The following ME1 variants were observed in gnomAD, a reference collection of about 807,000 sequenced individuals.
ME1 encodes the protein NADP-dependent malic enzyme.
A neutral mutation model predicts 66.4 loss-of-function variants in ME1; 74 were observed. That is an observed-to-expected ratio of 1.11 (90% CI 0.92 to 1.35). The LOEUF (loss-of-function observed/expected upper bound fraction) is 1.35, where lower values mean the gene tolerates loss of function less well. Among genes scored for constraint, ME1 ranks in the 40% most tolerant of loss-of-function variants. The pLI is 0.00. For missense variants in ME1, 750 were observed against 694.1 expected (o/e 1.08, Z -0.90); for synonymous variants, 251 against 235.6 (o/e 1.07, Z -0.60).
chr6:83,346,157 G>A lies in ME1; in HGVS notation c.600+16C>T. The A allele has an allele frequency of 1.3e-6, 2 of 1,589,284 alleles. No individual in the cohort carries two copies. Among genetic ancestry groups the A allele is most frequent in the Non-Finnish European group, 1.7e-6 (2 of 1,165,046 alleles). ...TTTAAAGGTACATAGCTGCCTTATA[G>A]ACGTAAATTATTTACCTCATTTTCG... On this transcript the variant is annotated intron_variant, in intron 5 of 13. Coordinates refer to ENST00000369705, the MANE Select transcript of ME1 (RefSeq NM_002395.6).
chr6:83,284,330 A>G (rs957390432), intron 6 of ME1, among the ~76,000 whole-genome samples: 2 of 152,138 alleles, frequency 1.3e-5, no homozygotes, highest in African/African-American at 4.8e-5. Context: ...AAGCTGGTCC[A>G]TATTCCACTG....
intron 5 of ME1, among the ~76,000 whole-genome samples, chr6:83,333,204 A>G (rs963273179): frequency 2.6e-5 from 4 of 152,198 alleles, no homozygotes; most frequent in African/African-American, 9.6e-5. Context: ...TGGATAAGAA[A>G]CTAAGTGATA....
intron 3 of ME1, among the ~76,000 whole-genome samples, chr6:83,359,979 C>T (rs1389601594): frequency 1.3e-5 from 2 of 152,200 alleles, no homozygotes; most frequent in East Asian, 1.9e-4. Flanking sequence ...ATGCAGCAAT[C>T]AGAATAGTCT....
chr6:83,235,470 A>ATTTTTTTT (rs10691116), intron 9 of ME1, among the ~76,000 whole-genome samples: 1 of 128,254 alleles, frequency 7.8e-6, no homozygotes, highest in Non-Finnish European at 1.6e-5. Context: ...AGCAATAGCT[A>ATTTTTTTT]TTTTTTTTTT....
chr6:83,242,568 G>A (rs1181207460), intron 7 of ME1, among the ~76,000 whole-genome samples: 1 of 152,146 alleles, frequency 6.6e-6, no homozygotes, highest in East Asian at 1.9e-4. Flanking sequence ...CAGACAAGAG[G>A]ACACAATGAG....
intron 9 of ME1, among the ~76,000 whole-genome samples, chr6:83,233,124 T>A (rs1010350026): frequency 6.6e-6 from 1 of 152,150 alleles, no homozygotes; most frequent in Non-Finnish European, 1.5e-5. Context: ...GTTTTGTGGC[T>A]TCTTATCCTC....
intron 6 of ME1, among the ~76,000 whole-genome samples, chr6:83,270,983 T>C (rs1270601066): frequency 6.6e-6 from 1 of 151,442 alleles, no homozygotes; most frequent in Admixed American, 6.6e-5. Context: ...CAAATTTAGT[T>C]AATTTCAAAT....
At chr6:83,292,739 T>C (rs1233209557) in intron 6 of ME1, among the ~76,000 whole-genome samples, 1 of 152,196 alleles carries the variant, frequency 6.6e-6, no homozygotes, top group African/African-American at 2.4e-5. Context: ...AGGTGGAATC[T>C]AGAGAGGCAG....
Position 83,417,220 on chromosome 6 carries a change from AT to A in ME1, c.79-9320del, listed in dbSNP as rs112370746. On this transcript the variant is annotated intron_variant, in intron 1 of 13. Coordinates refer to ENST00000369705, the MANE Select transcript of ME1 (RefSeq NM_002395.6). ...ATACACCACCACATCTGGAAAAAAAATTTTTTTTTGAGACAGGGTCTCACTA... is the reference window on the plus strand; with the variant it reads ...ATACACCACCACATCTGGAAAAAAAATTTTTTTTGAGACAGGGTCTCACTA... Among the ~76,000 whole-genome samples the A allele has an allele frequency of 8.1e-3, 1,220 of 151,510 alleles. 37 individuals carry two copies. The highest frequency in any genetic ancestry group is 0.069 in the East Asian group (357 of 5,140).
chr6:83,344,605 C>T (rs980393087), intron 5 of ME1, among the ~76,000 whole-genome samples: 6 of 151,990 alleles, frequency 3.9e-5, no homozygotes, highest in South Asian at 4.2e-4. Context: ...AAAAATAGGC[C>T]GGGTACGGTG....
intron 6 of ME1, among the ~76,000 whole-genome samples, chr6:83,290,441 A>T (rs1251660334): frequency 6.6e-6 from 1 of 152,116 alleles, no homozygotes; most frequent in Non-Finnish European, 1.5e-5. Flanking sequence ...TGTGGTTTTG[A>T]GTGTGATTCT....
intron 3 of ME1, among the ~76,000 whole-genome samples, chr6:83,397,997 G>C (rs78272840): frequency 6.6e-6 from 1 of 152,086 alleles, no homozygotes; most frequent in African/African-American, 2.4e-5. Flanking sequence ...AGCGGGTTGC[G>C]GGATTAGGGA....
intron 3 of ME1, among the ~76,000 whole-genome samples, chr6:83,389,011 T>C (rs1390842185): frequency 6.6e-6 from 1 of 151,992 alleles, no homozygotes; most frequent in African/African-American, 2.4e-5. Context: ...CCTAGCTACT[T>C]GGGAGGCTGA....
At chr6:83,261,620 G>A (rs891362750) in intron 6 of ME1, among the ~76,000 whole-genome samples, 2 of 152,098 alleles carry the variant, frequency 1.3e-5, no homozygotes, top group African/African-American at 4.8e-5. Flanking sequence ...AAGGTAGCCT[G>A]TTGTTAAAGT....
intron 2 of ME1, among the ~76,000 whole-genome samples, chr6:83,404,018 C>T (rs1769886677): frequency 6.6e-6 from 1 of 152,124 alleles, no homozygotes; most frequent in African/African-American, 2.4e-5. Context: ...GGGTATATAA[C>T]CAGTAATGGT....
At chr6:83,311,220 G>T (rs927552929) in intron 6 of ME1, among the ~76,000 whole-genome samples, 1 of 152,140 alleles carries the variant, frequency 6.6e-6, no homozygotes, top group African/African-American at 2.4e-5. Flanking sequence ...AAGGAAGAAA[G>T]AGACTTTACC....
chr6:83,237,519 C>T (rs1562455532), intron 9 of ME1, among the ~76,000 whole-genome samples, 198 bp downstream of exon 9: 1 of 152,118 alleles, frequency 6.6e-6, no homozygotes, highest in Non-Finnish European at 1.5e-5. Flanking sequence ...ACTCACATTG[C>T]AGATGGAATC....
chr6:83,387,490 G>A (rs1455162435), intron 3 of ME1, among the ~76,000 whole-genome samples: 1 of 151,770 alleles, frequency 6.6e-6, no homozygotes, highest in Non-Finnish European at 1.5e-5. Flanking sequence ...GAAACTATAT[G>A]TTTCCATATA....
intron 9 of ME1, among the ~76,000 whole-genome samples, chr6:83,233,068 G>C (rs1790334276): frequency 6.6e-6 from 1 of 152,038 alleles, no homozygotes; most frequent in South Asian, 2.1e-4. Flanking sequence ...TTATTAGTGA[G>C]AGCGAAAATA....
Sources: gnomAD v4.1 joint callset for allele counts (sites outside exome capture counted in the v4.1 genomes callset) on GRCh38, gnomAD v4.1.1 for gene constraint, MANE v1.5 for transcripts, NCBI Gene and HGNC (gene_info 2026-07-23, HGNC 2026-07-21) for gene names.